FAM178B: variants seen among roughly 807,000 people sequenced by gnomAD.
The protein encoded by FAM178B is protein FAM178B.
Under a neutral mutation model 91.7 loss-of-function variants are expected in FAM178B, and 82 were observed. The observed-to-expected ratio is 0.89, with a 90% CI of 0.75 to 1.07. The LOEUF (loss-of-function observed/expected upper bound fraction) is 1.07. Ranked by LOEUF, FAM178B falls within the 50% of genes least tolerant of loss-of-function variation. FAM178B has a pLI of 0.00. For synonymous variants in FAM178B, 368 were observed against 359.4 expected, an observed-to-expected ratio of 1.02 and a Z score of -0.27; for missense variants, 769 against 846.7, an observed-to-expected ratio of 0.91 and a Z score of 1.14.
chr2:96,903,133 G>T (rs925936784), intron 12 of FAM178B, among the ~76,000 whole-genome samples: 1 of 152,068 alleles, frequency 6.6e-6, no homozygotes, highest in Admixed American at 6.6e-5. Context: ...TCCGCCTCCC[G>T]GGTTCACACC....
At chr2:96,957,214 G>A (rs1002180567) in intron 6 of FAM178B, among the ~76,000 whole-genome samples, 1 of 152,104 alleles carries the variant, frequency 6.6e-6, no homozygotes, top group African/African-American at 2.4e-5. Context: ...GGCTGAATAT[G>A]GTAAGGTTAT....
chr2:96,876,417 G>A (rs1471401110), intron 16 of FAM178B, 109 bp from the exon 17 acceptor site: 3 of 1,377,924 alleles, frequency 2.2e-6, no homozygotes, highest in Admixed American at 4.1e-5. Flanking sequence ...GCAGGCTCAT[G>A]CCAGGGGCCG....
intron 13 of FAM178B, among the ~76,000 whole-genome samples, chr2:96,899,141 G>A (rs1301534085): frequency 1.3e-5 from 2 of 152,222 alleles, no homozygotes; most frequent in African/African-American, 2.4e-5. Flanking sequence ...CTCCAGGAAG[G>A]CCATGGGCAG....
In FAM178B at chr2:96,930,720, C is replaced by T. The variant is rs376552639; in HGVS notation, c.1079-1400G>A. 1.4e-4 allele frequency among the ~76,000 whole-genome samples: 21 copies of T among 152,296 alleles called. No homozygotes were observed. In the East Asian group the frequency reaches 2.1e-3, roughly 15 times the overall value. On this transcript the variant is annotated intron_variant, in intron 8 of 16. Transcript: ENST00000490605. ...CTATGTTCTGAGTGTTTATGTATAG[C>T]CTCCAAAGCTCATATGTTGAAATTT...
rs375861410 is a variant in FAM178B at position 96,894,966 on chromosome 2, C to G, written c.1651-915G>C. The stretch of plus-strand genomic sequence containing the variant: ...CGCTCTGCATCTGTGGGCCCACCCT[C>G]CCTTGCATCCCTCTCTTTTGGTTTA... On this transcript the variant is annotated intron_variant, in intron 13 of 16. Coordinates refer to ENST00000490605, the MANE Select transcript of FAM178B (RefSeq NM_001122646.3). 2.8e-6 allele frequency: 3 copies of G among 1,084,614 alleles called. No individual in the cohort carries two copies. The African/African-American group carries it at 4.9e-5, about 18-fold the overall frequency. 67.2% of individuals were successfully genotyped at this position (1,084,614 alleles called of 1,614,324 possible).
At chr2:96,933,425 G>C (rs1425763870) in intron 8 of FAM178B, among the ~76,000 whole-genome samples, 1 of 152,056 alleles carries the variant, frequency 6.6e-6, no homozygotes, top group Non-Finnish European at 1.5e-5. Context: ...TAAAATAAAA[G>C]TGGCTTTTCC....
At chr2:96,960,521 T>TA in intron 5 of FAM178B, 81 bp from the exon 6 acceptor site, 2 of 1,432,038 alleles carry the variant, frequency 1.4e-6, no homozygotes, top group East Asian at 5.1e-5. Flanking sequence ...CAGGGAAGGA[T>TA]AGAGGGGGGC....
chr2:96,930,434 C>G (rs2081521335), intron 8 of FAM178B, among the ~76,000 whole-genome samples: 1 of 152,116 alleles, frequency 6.6e-6, no homozygotes, highest in Admixed American at 6.5e-5. Context: ...ACCGTGAGCT[C>G]CCACACCTCA....
chr2:96,959,199 G>GGAAAAA (rs1273953141), intron 6 of FAM178B, among the ~76,000 whole-genome samples: 2 of 82,122 alleles, frequency 2.4e-5, no homozygotes, highest in African/African-American at 6.5e-5. Context: ...ACTCAGTTTT[G>GGAAAAA]AAAAAAAAAA....
chr2:96,885,971 C>A (rs2153367769), intron 14 of FAM178B, among the ~76,000 whole-genome samples: 1 of 152,004 alleles, frequency 6.6e-6, no homozygotes, highest in African/African-American at 2.4e-5. Context: ...AACCACCTGA[C>A]AGAGCAATGG....
intron 12 of FAM178B, among the ~76,000 whole-genome samples, chr2:96,905,617 G>A (rs2081015944): frequency 6.7e-6 from 1 of 149,324 alleles, no homozygotes; most frequent in African/African-American, 2.4e-5. Context: ...AGATAGGATT[G>A]CTAGATTTAG....
intron 8 of FAM178B, among the ~76,000 whole-genome samples, chr2:96,939,358 T>A (rs922542082): frequency 2.7e-4 from 41 of 151,094 alleles, no homozygotes; most frequent in Admixed American, 1.3e-3. Context: ...TAGCTGGGTG[T>A]GGTGGTGGGC....
At chr2:96,898,315 G>A (rs1255352006) in intron 13 of FAM178B, among the ~76,000 whole-genome samples, 1 of 152,166 alleles carries the variant, frequency 6.6e-6, no homozygotes, top group Non-Finnish European at 1.5e-5. Flanking sequence ...GGAGAGAGCT[G>A]GACAGGCTAA....
At chr2:96,944,241 C>CAAAA (rs397868752) in intron 8 of FAM178B, among the ~76,000 whole-genome samples, 3 of 56,930 alleles carry the variant, frequency 5.3e-5, no homozygotes, top group Non-Finnish European at 8.2e-5. Flanking sequence ...GACTCCATCT[C>CAAAA]AAAAAAAAAA....
chr2:96,954,176 T>C (rs1730128), intron 6 of FAM178B, among the ~76,000 whole-genome samples: 114,711 of 152,186 alleles, frequency 0.75, 44,367 homozygotes, highest in Middle Eastern at 0.83. Context: ...GCAGATACCA[T>C]GCAGGCCTGG....
chr2:96,971,955 T>C lies in FAM178B; in HGVS notation c.510A>G (p.Pro170=), dbSNP rs570437392. Residue 170 remains proline, a synonymous_variant, in exon 3 of 17, where the codon CCA becomes CCG. Coordinates refer to ENST00000490605, the MANE Select transcript of FAM178B (RefSeq NM_001122646.3). ...DLDPKRGLAL[P]EKLFWNTSGL... ...CTGACGTGTTCCAGAACAGCTTCTC[T>C]GGCAAGGCCAGGCCCCTCTTCGGGT... 5 of 1,551,232 alleles carry C rather than the reference T, an allele frequency of 3.2e-6. No individual in the cohort carries two copies. Among genetic ancestry groups the C allele is most frequent in the Non-Finnish European group, 4.4e-6 (5 of 1,147,976 alleles).
rs1231853621 is a variant in FAM178B, at chr2:96,951,439, C to T, written c.933G>A (p.Leu311=). 6.4e-7 allele frequency: 1 copy of T among 1,551,650 alleles called. No individual in the cohort carries two copies. Among genetic ancestry groups the T allele is most frequent in the Non-Finnish European group, 8.7e-7 (1 of 1,146,976 alleles). ...CAGGCATGTGCAGGTAGAGGATGTT[C>T]AGGAGGCCACTGCGCAGGAAGGAGA... ...QQLSFLRSGL[L]NILYLHMPDC... The change falls in exon 7 of 17, where the codon CTG becomes CTA. Residue 311 remains leucine, a synonymous_variant. Transcript: ENST00000490605.
At chr2:96,884,626 G>T (rs922419835) in intron 14 of FAM178B, among the ~76,000 whole-genome samples, 6 of 152,170 alleles carry the variant, frequency 3.9e-5, no homozygotes, top group Admixed American at 1.3e-4. Context: ...AGGCGAAAGG[G>T]GATGCATTTT....
intron 1 of FAM178B, among the ~76,000 whole-genome samples, chr2:96,978,874 C>T (rs1399996077): frequency 1.3e-5 from 2 of 151,808 alleles, no homozygotes; most frequent in Non-Finnish European, 2.9e-5. Context: ...ATCCGCCCGC[C>T]TCGGCCTCTC....
Sources: gnomAD v4.1 joint callset for allele counts (sites outside exome capture counted in the v4.1 genomes callset) on GRCh38, gnomAD v4.1.1 for gene constraint, MANE v1.5 for transcripts, NCBI Gene and HGNC (gene_info 2026-07-23, HGNC 2026-07-21) for gene names.